The following NKAIN2 variants were observed in gnomAD, a reference collection of about 807,000 sequenced individuals.
NKAIN2 encodes sodium/potassium-transporting ATPase subunit beta-1-interacting protein 2.
Under a neutral mutation model 32.6 loss-of-function variants are expected in NKAIN2, and 14 were observed. The observed-to-expected ratio is 0.43, with a 90% CI of 0.28 to 0.67. NKAIN2 has a LOEUF of 0.67. Among genes scored for constraint, NKAIN2 ranks in the 30% least tolerant of loss-of-function variants. NKAIN2 has a pLI of 0.17. For missense variants in NKAIN2, 198 were observed against 258.3 expected (o/e 0.77, Z 1.60); for synonymous variants, 80 against 87.2 (o/e 0.92, Z 0.46).
intron 4 of NKAIN2, among the ~76,000 whole-genome samples, chr6:124,746,525 A>G (rs1390161137): frequency 6.6e-6 from 1 of 151,870 alleles, no homozygotes; most frequent in Admixed American, 6.6e-5. Flanking sequence ...AAATTTTTTG[A>G]CACATTGAAT....
chr6:124,220,524 T>C (rs1791758757), intron 1 of NKAIN2, among the ~76,000 whole-genome samples: 1 of 96,936 alleles, frequency 1.0e-5, no homozygotes, highest in Non-Finnish European at 2.2e-5. Flanking sequence ...TTGTGATGAA[T>C]AAACATACAT....
chr6:124,602,492 A>G (rs2114983081), intron 3 of NKAIN2, among the ~76,000 whole-genome samples: 1 of 152,118 alleles, frequency 6.6e-6, no homozygotes, highest in South Asian at 2.1e-4. Flanking sequence ...AATTGAAACA[A>G]AGGCATAGGT....
At chr6:124,288,222 AAAT>A (rs1795650585) in intron 2 of NKAIN2, among the ~76,000 whole-genome samples, 2 of 152,208 alleles carry the variant, frequency 1.3e-5, no homozygotes, top group Non-Finnish European at 2.9e-5. Context: ...TATGGAAAGG[AAAT>A]AGTAGAGTTA....
At chr6:124,298,723 A>G (rs967445852) in intron 2 of NKAIN2, among the ~76,000 whole-genome samples, 1 of 152,102 alleles carries the variant, frequency 6.6e-6, no homozygotes, top group Non-Finnish European at 1.5e-5. Flanking sequence ...CTCAGCAGAT[A>G]ATGCATGAAT....
At chr6:124,808,981 GA>G (rs1780739659) in intron 5 of NKAIN2, among the ~76,000 whole-genome samples, 1 of 152,186 alleles carries the variant, frequency 6.6e-6, no homozygotes, top group African/African-American at 2.4e-5. Context: ...GGAAATTAAA[GA>G]GGATACAAAC....
intron 1 of NKAIN2, among the ~76,000 whole-genome samples, chr6:123,891,143 T>A (rs1773995566): frequency 1.3e-5 from 2 of 151,902 alleles, no homozygotes; most frequent in Admixed American, 1.3e-4. Flanking sequence ...AATAGGCAAA[T>A]TAATAGAGGG....
chr6:124,723,412 C>T (rs1355131956), intron 4 of NKAIN2, among the ~76,000 whole-genome samples: 1 of 128,070 alleles, frequency 7.8e-6, no homozygotes, highest in Non-Finnish European at 1.7e-5. Context: ...TGCCTCACTG[C>T]TGCACTGGCA....
intron 1 of NKAIN2, among the ~76,000 whole-genome samples, chr6:123,956,241 C>G (rs987156700): frequency 2.6e-5 from 4 of 152,184 alleles, no homozygotes; most frequent in African/African-American, 9.7e-5. Flanking sequence ...GTGATAACAT[C>G]TGTTCTGAAA....
At chr6:123,975,807 G>A (rs77644449) in intron 1 of NKAIN2, among the ~76,000 whole-genome samples, 6,776 of 151,922 alleles carry the variant, frequency 0.045, 401 homozygotes, top group African/African-American at 0.13. Context: ...TCCTTTCACC[G>A]TAATATCAAT....
At chr6:123,992,461 G>A (rs1042576042) in intron 1 of NKAIN2, among the ~76,000 whole-genome samples, 3 of 152,084 alleles carry the variant, frequency 2.0e-5, no homozygotes, top group Non-Finnish European at 2.9e-5. Context: ...AATATTTCAG[G>A]GTTGCTAGAA....
chr6:124,484,032 A>T (rs1777557369), intron 3 of NKAIN2, among the ~76,000 whole-genome samples: 1 of 152,336 alleles, frequency 6.6e-6, no homozygotes, highest in Non-Finnish European at 1.5e-5. Context: ...GGAGCACCAT[A>T]CTAGAGTCAC....
chr6:124,046,680 T>C (rs969962866), intron 1 of NKAIN2, among the ~76,000 whole-genome samples: 2 of 151,970 alleles, frequency 1.3e-5, no homozygotes, highest in African/African-American at 4.8e-5. Context: ...AAGATTCTGC[T>C]ACCTGAGTAT....
At chr6:124,257,118 A>G (rs948210387) in intron 1 of NKAIN2, among the ~76,000 whole-genome samples, 1 of 151,952 alleles carries the variant, frequency 6.6e-6, no homozygotes, top group Non-Finnish European at 1.5e-5. Context: ...CAGACTGGTC[A>G]TACAAAAAAA....
chr6:124,381,331 A>C (rs1772625621), intron 3 of NKAIN2, among the ~76,000 whole-genome samples: 1 of 152,194 alleles, frequency 6.6e-6, no homozygotes, highest in Non-Finnish European at 1.5e-5. Flanking sequence ...TTATATCTAT[A>C]AATATTCATA....
At chr6:124,573,911 GAA>G (rs369281160) in intron 3 of NKAIN2, among the ~76,000 whole-genome samples, 348 of 152,288 alleles carry the variant, frequency 2.3e-3, no homozygotes, top group African/African-American at 7.6e-3. Context: ...GGATAATCAA[GAA>G]AGAGGCTTAT....
chr6:124,581,630 T>C (rs1320920726), intron 3 of NKAIN2, among the ~76,000 whole-genome samples: 1 of 152,066 alleles, frequency 6.6e-6, no homozygotes, highest in African/African-American at 2.4e-5. Flanking sequence ...CTTAAAAATG[T>C]CAAAAAATAT....
At chr6:124,078,939 A>G (rs1307723435) in intron 1 of NKAIN2, among the ~76,000 whole-genome samples, 1 of 152,052 alleles carries the variant, frequency 6.6e-6, no homozygotes. Flanking sequence ...AAGTTATTGA[A>G]AATGCTGGAT....
intron 4 of NKAIN2, among the ~76,000 whole-genome samples, chr6:124,727,819 T>G (rs1197783914): frequency 6.7e-6 from 1 of 149,590 alleles, no homozygotes; most frequent in Admixed American, 6.7e-5. Flanking sequence ...ACCCATCTCA[T>G]GTGCAGAGAC....
chr6:124,051,690 G>T (rs1207554348), intron 1 of NKAIN2, among the ~76,000 whole-genome samples: 1 of 151,924 alleles, frequency 6.6e-6, no homozygotes, highest in Non-Finnish European at 1.5e-5. Flanking sequence ...AGTTTGCAGT[G>T]CCAAGTTACA....
Sources: allele counts gnomAD v4.1 joint callset (sites outside exome capture counted in the v4.1 genomes callset), GRCh38; gene constraint gnomAD v4.1.1; transcripts MANE v1.5; gene names NCBI Gene and HGNC (gene_info 2026-07-23, HGNC 2026-07-21).